Variants in UNKL observed in about 807,000 individuals in gnomAD.
UNKL encodes the protein putative E3 ubiquitin-protein ligase UNKL.
In UNKL, 60 loss-of-function variants were observed where a neutral mutation model predicts 78.0. The ratio of observed to expected loss-of-function variants is 0.77; its 90% CI spans 0.63 to 0.95. UNKL has a LOEUF of 0.95. Ranked by LOEUF, UNKL falls within the 40% of genes least tolerant of loss-of-function variation. The pLI is 0.00. For synonymous variants in UNKL, 608 were observed against 474.8 expected, an observed-to-expected ratio of 1.28 and a Z score of -3.65; for missense variants, 1,159 against 1,045.7, an observed-to-expected ratio of 1.11 and a Z score of -1.49.
At chr16:1,375,011 C>T (rs547083310) in intron 10 of UNKL, among the ~76,000 whole-genome samples, 25 of 152,336 alleles carry the variant, frequency 1.6e-4, no homozygotes, top group Admixed American at 9.1e-4. Context: ...CCCAGGCCTC[C>T]GCTTCTCCTC....
At position 1,379,539 on chromosome 16, in the gene UNKL, G is replaced by C. The variant is rs1039530068; in HGVS notation, c.1264+5669C>G. ...CGTGACGCGGGGGACGCACCTGGCGGGGGGCGCACCTAAGGGAGGGCCCGC... is the reference window on the plus strand; with the variant it reads ...CGTGACGCGGGGGACGCACCTGGCGCGGGGCGCACCTAAGGGAGGGCCCGC... On this transcript the variant is annotated intron_variant, in intron 10 of 14. Transcript: ENST00000389221. 4.1e-6 allele frequency: 4 copies of C among 985,242 alleles called. No individual in the cohort carries two copies. The African/African-American group carries it at 7.0e-5, about 17-fold the overall frequency. 61.0% of individuals were successfully genotyped at this position (985,242 alleles called of 1,614,324 possible).
At chr16:1,367,921 G>A in intron 12 of UNKL, 63 bp from the exon 13 acceptor site, 1 of 1,436,718 alleles carries the variant, frequency 7.0e-7, no homozygotes, top group Non-Finnish European at 9.4e-7. Flanking sequence ...TGGGATTGGT[G>A]GGTGCTATGC....
In UNKL at chr16:1,370,313, A is replaced by C. The variant is rs570806084; in HGVS notation, c.1402T>G (p.Ser468Ala). ...TGTAGCGATGGTGCTCTGGGCAGGG[A>C]GCCGGGGATGGCGACAGGTGCAGAG... Reference protein sequence around the residue: ...AGSAPVAIPGSLPRAPSLHSP... With the variant: ...AGSAPVAIPGALPRAPSLHSP... Residue 468 changes from serine to alanine, a missense_variant, in exon 12 of 15, where the codon TCC (serine) becomes GCC (alanine). By Grantham distance (99) the Ser-to-Ala change is moderately conservative. Transcript: ENST00000389221. 1 of 1,533,380 alleles carries C rather than the reference A, an allele frequency of 6.5e-7. No individual in the cohort carries two copies. The highest frequency in any genetic ancestry group is 2.5e-5 in the East Asian group (1 of 40,812). The allele number at this position is 1,533,380 out of a possible 1,614,324, so 95.0% of individuals were successfully genotyped here.
Position 1,363,691 on chromosome 16 carries a change from C to G in UNKL, c.*2549G>C, listed in dbSNP as rs1011847773. The G allele has an allele frequency of 3.5e-5, 6 of 170,308 alleles. No homozygotes were observed. Among genetic ancestry groups the G allele is most frequent in the Non-Finnish European group, 7.6e-5 (6 of 78,528 alleles). 10.5% of individuals were successfully genotyped at this position (170,308 alleles called of 1,614,324 possible). A position where few individuals can be genotyped will look rare whatever the true frequency, so the allele number is the denominator to read the frequency against. On this transcript the variant is annotated 3_prime_UTR_variant, in exon 15 of 15. Transcript: ENST00000389221. Reference sequence around the variant, plus strand: ...TGCCTCAGCCACCTAGGAGCCATCCCTGAGGCCATGGCCACCAAGACAGGT... The same window carrying G: ...TGCCTCAGCCACCTAGGAGCCATCCGTGAGGCCATGGCCACCAAGACAGGT...
chr16:1,414,623 G>A lies in UNKL; in HGVS notation c.69C>T (p.Thr23=). The change falls in exon 1 of 15, where the codon ACC becomes ACT. Residue 23 remains threonine, a synonymous_variant. Coordinates refer to ENST00000389221, the MANE Select transcript of UNKL (RefSeq NM_001372107.1). ...SGSPPQTEKP[T]HYRYLKEFRT... ...GCCGGACGGGCGCTGACCTGTAGTG[G>A]GTCGGCTTCTCAGTCTGCGGGGGGG... is the stretch of plus-strand genomic sequence containing the variant. 7.2e-6 allele frequency: 8 copies of A among 1,105,824 alleles called. No homozygotes were observed. The highest frequency in any genetic ancestry group is 8.9e-6 in the Non-Finnish European group (8 of 899,402). 68.5% of individuals were successfully genotyped at this position (1,105,824 alleles called of 1,614,324 possible).
rs1229876501 is a variant in UNKL at position 1,399,988 on chromosome 16, G to A, written c.599-479C>T. On this transcript the variant is annotated intron_variant, in intron 4 of 14. Transcript: ENST00000389221. The surrounding 1 kb of genome is among the most constrained non-coding windows in gnomAD (Gnocchi z 5.8). ...CACACATCAGTGTGGGTTCACTGTTGGTAAAGAGCGTACCTCGCAGTGCAG... is the reference window on the plus strand; with the variant it reads ...CACACATCAGTGTGGGTTCACTGTTAGTAAAGAGCGTACCTCGCAGTGCAG... Among the ~76,000 whole-genome samples, 1 of 152,186 alleles carries A rather than the reference G, an allele frequency of 6.6e-6. No individual in the cohort carries two copies. The highest frequency in any genetic ancestry group is 2.4e-5 in the African/African-American group (1 of 41,438).
chr16:1,365,467 A>G lies in UNKL; in HGVS notation c.*773T>C, dbSNP rs986440957. 1.3e-5 allele frequency: 2 copies of G among 152,470 alleles called. No individual in the cohort carries two copies. Among genetic ancestry groups the G allele is most frequent in the Admixed American group, 6.5e-5 (1 of 15,288 alleles). 9.4% of individuals were successfully genotyped at this position (152,470 alleles called of 1,614,324 possible). A position where few individuals can be genotyped will look rare whatever the true frequency, so the allele number is the denominator to read the frequency against. On this transcript the variant is annotated 3_prime_UTR_variant, in exon 15 of 15. Transcript: ENST00000389221. ...GAAACAGCGGCCACGGACCACAGAAATGCAGGACGGAGCTCTCCTGCTCCC... is the reference window on the plus strand; with the variant it reads ...GAAACAGCGGCCACGGACCACAGAAGTGCAGGACGGAGCTCTCCTGCTCCC...
chr16:1,390,488 A>G, intron 9 of UNKL, 144 bp downstream of exon 9: 2 of 787,078 alleles, frequency 2.5e-6, no homozygotes, highest in Non-Finnish European at 3.9e-6. Context: ...CGTCAACCAG[A>G]TGGCTTTGCG....
intron 8 of UNKL, 142 bp from the exon 9 acceptor site, chr16:1,390,836 C>A (rs918404266): frequency 8.5e-6 from 7 of 827,954 alleles, no homozygotes; most frequent in Non-Finnish European, 1.3e-5. Context: ...TCGAGACCAG[C>A]CTGGCCAACA....
chr16:1,369,789 G>A, intron 12 of UNKL: 2 of 718,822 alleles, frequency 2.8e-6, no homozygotes, highest in South Asian at 1.8e-5. Context: ...GGCCCGGCCA[G>A]CGTGATGAAA....
intron 10 of UNKL, 67 bp downstream of exon 10, chr16:1,385,141 T>C (rs2036758515): frequency 2.6e-6 from 3 of 1,149,274 alleles, no homozygotes; most frequent in Non-Finnish European, 3.3e-6. Context: ...AGAAGCGCTG[T>C]CCCTGAAAAG....
intron 10 of UNKL, among the ~76,000 whole-genome samples, chr16:1,382,294 C>T (rs1374466874): frequency 6.6e-6 from 1 of 152,246 alleles, no homozygotes. Context: ...GAGAAGATGA[C>T]TTCCAAAACA....
At chr16:1,382,199 A>G (rs542644929) in intron 10 of UNKL, among the ~76,000 whole-genome samples, 2 of 152,324 alleles carry the variant, frequency 1.3e-5, no homozygotes, top group African/African-American at 4.8e-5. Context: ...TGGAGTATTC[A>G]CAGTTTTAAA....
At chr16:1,414,535 G>T in intron 1 of UNKL, 80 bp downstream of exon 1, 1 of 431,066 alleles carries the variant, frequency 2.3e-6, no homozygotes, top group Non-Finnish European at 3.1e-6. Context: ...CGGGGGCGGC[G>T]GAGGCGGCGC....
intron 8 of UNKL, 106 bp from the exon 9 acceptor site, chr16:1,390,800 C>G (rs1288238901): frequency 8.1e-7 from 1 of 1,230,332 alleles, no homozygotes; most frequent in Non-Finnish European, 1.1e-6. Context: ...GAGGCTGAGG[C>G]GGGCGGATCA....
rs1280261103 is a variant in UNKL at position 1,387,899 on chromosome 16, T to TG, written c.1087-2515dup. Among the ~76,000 whole-genome samples the TG allele has an allele frequency of 2.1e-5, 3 of 143,768 alleles. No homozygotes were observed. The East Asian group carries it at 6.4e-4, about 31-fold the overall frequency. The allele number at this position is 143,768 out of a possible 152,430, so 94.3% of individuals were successfully genotyped here. Reference sequence around the variant, plus strand: ...ACGGTCCCTACACACAAGCTGCCCCTGCTCAGTCAGGCTGAGGTTCCCCAT... The same window carrying TG: ...ACGGTCCCTACACACAAGCTGCCCCTGGCTCAGTCAGGCTGAGGTTCCCCAT... On this transcript the variant is annotated intron_variant, in intron 9 of 14. Transcript: ENST00000389221. This position sits in a 1 kb window ranked among gnomAD's most constrained non-coding sequence, Gnocchi z 4.1.
At chr16:1,414,278 C>T (rs1437928919) in intron 1 of UNKL, among the ~76,000 whole-genome samples, 1 of 152,014 alleles carries the variant, frequency 6.6e-6, no homozygotes, top group Non-Finnish European at 1.5e-5. Flanking sequence ...CAAGCCCAAG[C>T]GCCACCCCGG....
intron 2 of UNKL, chr16:1,412,038 A>T (rs1283994531): frequency 6.6e-6 from 1 of 152,170 alleles, no homozygotes; most frequent in Admixed American, 6.5e-5. Context: ...CCAAAAGATC[A>T]GGGGATGAAG....
intron 10 of UNKL, among the ~76,000 whole-genome samples, chr16:1,372,611 G>A (rs984647454): frequency 7.9e-5 from 12 of 152,198 alleles, no homozygotes; most frequent in Admixed American, 3.3e-4. Context: ...AAGCCACAGC[G>A]TGTCTCAAAC....
Sources: gnomAD v4.1 joint callset for allele counts (sites outside exome capture counted in the v4.1 genomes callset) on GRCh38, gnomAD v4.1.1 for gene constraint, Gnocchi (gnomAD v3.1) non-coding constraint, MANE v1.5 for transcripts, NCBI Gene and HGNC (gene_info 2026-07-23, HGNC 2026-07-21) for gene names.